MTUS1: variants seen among roughly 807,000 people sequenced by gnomAD.
MTUS1 encodes microtubule associated scaffold protein 1.
Under a neutral mutation model 120.8 loss-of-function variants are expected in MTUS1, and 109 were observed. The ratio of observed to expected loss-of-function variants is 0.90; its 90% CI spans 0.77 to 1.06. The LOEUF (loss-of-function observed/expected upper bound fraction) is 1.06. Ranked by LOEUF, MTUS1 falls within the 50% of genes least tolerant of loss-of-function variation. MTUS1 has a pLI of 0.00. For missense variants in MTUS1, 2,210 were observed against 1,486.3 expected (o/e 1.49, Z -8.01); for synonymous variants, 737 against 550.5 (o/e 1.34, Z -4.74).
intron 6 of MTUS1, chr8:17,697,638 T>A (rs1818250756): frequency 8.2e-7 from 1 of 1,212,578 alleles, no homozygotes; most frequent in South Asian, 2.3e-5. Flanking sequence ...CTCCTGCAGG[T>A]CTAGAAGCTG....
intron 1 of MTUS1, among the ~76,000 whole-genome samples, chr8:17,765,988 T>A (rs1203471916): frequency 6.6e-6 from 1 of 152,152 alleles, no homozygotes; most frequent in Non-Finnish European, 1.5e-5. Flanking sequence ...TGAAATTATA[T>A]ACTTTACATA....
intron 8 of MTUS1, among the ~76,000 whole-genome samples, chr8:17,658,024 G>GACACACACACACACACACACACAC (rs58132896): frequency 9.5e-4 from 133 of 140,510 alleles, no homozygotes; most frequent in Non-Finnish European, 1.6e-3. Flanking sequence ...TATATATATA[G>GACACACACACACACACACACACAC]ACACACACAC....
At chr8:17,671,679 G>A (rs1812052736) in intron 8 of MTUS1, among the ~76,000 whole-genome samples, 1 of 152,320 alleles carries the variant, frequency 6.6e-6, no homozygotes, top group South Asian at 2.1e-4. Flanking sequence ...GGGTTTCAGT[G>A]CTCCTGAGTT....
At chr8:17,662,704 T>C (rs998923136) in intron 8 of MTUS1, among the ~76,000 whole-genome samples, 59 of 151,996 alleles carry the variant, frequency 3.9e-4, no homozygotes, top group African/African-American at 1.4e-3. Flanking sequence ...AGCACATATA[T>C]GATTAGGAAC....
chr8:17,753,044 C>T (rs953403473), intron 2 of MTUS1, among the ~76,000 whole-genome samples: 10 of 152,210 alleles, frequency 6.6e-5, no homozygotes, highest in African/African-American at 1.9e-4. Context: ...TTTAGACAGG[C>T]GCTATGGAAA....
intron 3 of MTUS1, among the ~76,000 whole-genome samples, chr8:17,724,553 G>T (rs2046086475): frequency 6.6e-6 from 1 of 151,716 alleles, no homozygotes; most frequent in Admixed American, 6.6e-5. Context: ...AAACTTAAAT[G>T]ATCTTCACTC....
chr8:17,764,682 T>C (rs547787366), intron 1 of MTUS1, among the ~76,000 whole-genome samples: 1 of 152,320 alleles, frequency 6.6e-6, no homozygotes, highest in Non-Finnish European at 1.5e-5. Flanking sequence ...TGTTGTAGAA[T>C]CAAAGACGCC....
intron 4 of MTUS1, chr8:17,721,796 C>A: frequency 6.2e-7 from 1 of 1,614,156 alleles, no homozygotes; most frequent in Non-Finnish European, 8.5e-7. Context: ...AAGGTAGCAT[C>A]ATAGTGCCTC....
intron 1 of MTUS1, among the ~76,000 whole-genome samples, chr8:17,789,036 CTT>C (rs1047810081): frequency 6.9e-6 from 1 of 144,362 alleles, no homozygotes; most frequent in Non-Finnish European, 1.5e-5. Context: ...TTTTAGTTGT[CTT>C]TTTTTTTTTT....
rs2046008142 is a variant in MTUS1, at chr8:17,723,810, C to CA, written c.2310dup (p.Ala771CysfsTer10). ...GGCAAATTCACCCATGACGACTGTG[C>CA]AGTTTTCAAGGATGTAGGCTTTCCT... is the stretch of plus-strand genomic sequence containing the variant. On this transcript the variant is annotated frameshift_variant, in exon 4 of 15. Transcript: ENST00000693296. LOFTEE classifies it high-confidence loss of function. 2.5e-6 allele frequency: 4 copies of CA among 1,596,802 alleles called. No homozygotes were observed. Among genetic ancestry groups the CA allele is most frequent in the Non-Finnish European group, 3.4e-6 (4 of 1,171,118 alleles).
At chr8:17,653,382 A>T (rs1563568170) in intron 11 of MTUS1, 43 bp downstream of exon 11, 3 of 1,498,984 alleles carry the variant, frequency 2.0e-6, no homozygotes, top group Non-Finnish European at 2.7e-6. Flanking sequence ...CAAAAATGAT[A>T]TTTTTTTTTG....
intron 3 of MTUS1, among the ~76,000 whole-genome samples, chr8:17,742,602 C>T (rs1269606289): frequency 6.6e-6 from 1 of 152,112 alleles, no homozygotes; most frequent in Non-Finnish European, 1.5e-5. Flanking sequence ...GCAAACCCCT[C>T]TTCCTCCACT....
At chr8:17,782,727 C>T (rs544576062) in intron 1 of MTUS1, among the ~76,000 whole-genome samples, 15 of 152,244 alleles carry the variant, frequency 9.9e-5, no homozygotes, top group African/African-American at 3.6e-4. Flanking sequence ...AACCACAAGT[C>T]TACAGTGTAA....
intron 6 of MTUS1, among the ~76,000 whole-genome samples, chr8:17,689,963 C>G (rs962719410): frequency 4.6e-5 from 7 of 151,874 alleles, no homozygotes; most frequent in African/African-American, 1.7e-4. Flanking sequence ...CAACATTGGC[C>G]GACGCAAGGA....
chr8:17,681,400 G>A (rs17690089), intron 7 of MTUS1, among the ~76,000 whole-genome samples: 21,029 of 152,168 alleles, frequency 0.14, 1,503 homozygotes, highest in South Asian at 0.19. Context: ...AAGTTTACAG[G>A]ACATTTTTAG....
chr8:17,739,853 A>G (rs538247619), intron 3 of MTUS1, among the ~76,000 whole-genome samples: 51 of 152,348 alleles, frequency 3.3e-4, no homozygotes, highest in Admixed American at 7.8e-4. Context: ...TTATTTCAGT[A>G]TATTTCCAAA....
intron 13 of MTUS1, among the ~76,000 whole-genome samples, chr8:17,648,822 A>G (rs1806366013): frequency 6.6e-6 from 1 of 152,184 alleles, no homozygotes; most frequent in Non-Finnish European, 1.5e-5. Flanking sequence ...CTGTGGGGAG[A>G]AGAGGCCAGT....
chr8:17,745,285 A>T (rs1183625908), intron 2 of MTUS1, among the ~76,000 whole-genome samples: 1 of 152,210 alleles, frequency 6.6e-6, no homozygotes, highest in Non-Finnish European at 1.5e-5. Context: ...CAAATCTCTT[A>T]TATGAAATGG....
rs1469432926 is a variant in MTUS1 at position 17,645,950 on chromosome 8, A to C, written c.3789T>G (p.Pro1263=). 1 of 1,612,306 alleles carries C rather than the reference A, an allele frequency of 6.2e-7. No individual in the cohort carries two copies. Among genetic ancestry groups the C allele is most frequent in the South Asian group, 1.1e-5 (1 of 90,754 alleles). ...LQSPRNSGSF[P]SPSISPR ...GTCATCTGGGTGAAATGCTGGGGCT[A>C]GGGAAGGAGCCCGAATTCCTTGGTG... Residue 1263 remains proline, a synonymous_variant, in exon 15 of 15, where the codon CCT becomes CCG. Coordinates refer to ENST00000693296, the MANE Select transcript of MTUS1 (RefSeq NM_001363059.2).
Sources: allele counts gnomAD v4.1 joint callset (sites outside exome capture counted in the v4.1 genomes callset), GRCh38; gene constraint gnomAD v4.1.1; transcripts MANE v1.5; gene names NCBI Gene and HGNC (gene_info 2026-07-23, HGNC 2026-07-21).